Variants in CARD10 observed in about 807,000 individuals in gnomAD.
CARD10 encodes caspase recruitment domain family member 10.
In CARD10, 49 loss-of-function variants were observed where a neutral mutation model predicts 114.6. The observed-to-expected ratio is 0.43, with a 90% confidence interval of 0.34 to 0.54. The LOEUF (loss-of-function observed/expected upper bound fraction) is 0.54, where lower values mean the gene tolerates loss of function less well. Ranked by LOEUF, CARD10 falls within the 20% of genes least tolerant of loss-of-function variation. The pLI is 0.03. For synonymous variants in CARD10, 602 were observed against 593.2 expected (o/e 1.01, Z -0.21); for missense variants, 1,206 against 1,397.2 (o/e 0.86, Z 2.18).
Position 37,504,287 on chromosome 22 carries a change from G to A in CARD10, c.1533C>T (p.Asp511=). Reference sequence around the variant, plus strand: ...AGAGCCGATTGATCTCCTTTTCACTGTCTGTGGCTTCCTCCTGCAATGCCA... The same window carrying A: ...AGAGCCGATTGATCTCCTTTTCACTATCTGTGGCTTCCTCCTGCAATGCCA... The part of the protein sequence containing the change: ...PEPHNSEEAT[D]SEKEINRLSI... The change falls in exon 9 of 20, where the codon GAC becomes GAT. Residue 511 remains aspartate, a synonymous_variant. Transcript: ENST00000251973. The A allele has an allele frequency of 6.5e-7, 1 of 1,549,212 alleles. No individual in the cohort carries two copies. Among genetic ancestry groups the A allele is most frequent in the Non-Finnish European group, 8.7e-7 (1 of 1,143,802 alleles).
At position 37,495,866 on chromosome 22, in the gene CARD10, G is replaced by C; in HGVS notation, c.2197C>G (p.Arg733Gly). 1.2e-6 allele frequency: 2 copies of C among 1,614,146 alleles called. No individual in the cohort carries two copies. Among genetic ancestry groups the C allele is most frequent in the Non-Finnish European group, 1.7e-6 (2 of 1,180,054 alleles). Reference sequence around the variant, plus strand: ...CGCTTGTATGCCGAGTCCACCAGTCGAAGGATCTCTTGGGCTTTCACGCAA... The same window carrying C: ...CGCTTGTATGCCGAGTCCACCAGTCCAAGGATCTCTTGGGCTTTCACGCAA... ...ALCVKAQEIL[R>G]LVDSAYKRRQ... is the part of the protein sequence containing the mutation. The change falls in exon 14 of 20, where the codon CGA becomes GGA. Residue 733 changes from arginine (R) to glycine (G), a missense_variant. Transcript: ENST00000251973.
rs1471140170 is a variant in CARD10 at position 37,501,166 on chromosome 22, C to T, written c.1787+1436G>A. 6.6e-6 allele frequency among the ~76,000 whole-genome samples: 1 copy of T among 152,114 alleles called. No homozygotes were observed. Among genetic ancestry groups the T allele is most frequent in the Non-Finnish European group, 1.5e-5 (1 of 68,000 alleles). On this transcript the variant is annotated intron_variant, in intron 11 of 19. Transcript: ENST00000251973. The surrounding 1 kb of genome is among the most constrained non-coding windows in gnomAD (Gnocchi z 5.4). ...CTCTCTTTCTCTCTCTCTCTCTGTC[C>T]ACCACCTCTGCACCTTCCCCAGCCT...
Position 37,490,754 on chromosome 22 carries a change from G to C in CARD10, c.*405C>G, listed in dbSNP as rs911674585. 5.4e-6 allele frequency: 1 copy of C among 186,518 alleles called. No homozygotes were observed. Among genetic ancestry groups the C allele is most frequent in the Non-Finnish European group, 1.1e-5 (1 of 90,532 alleles). 11.6% of individuals were successfully genotyped at this position (186,518 alleles called of 1,614,324 possible). On this transcript the variant is annotated 3_prime_UTR_variant, in exon 20 of 20. Transcript: ENST00000251973. ...CTCAGGTCTCCTAGGAGCAGAACAG[G>C]CCCAGGTCCTCAGGAGACCTCGTGC...
intron 19 of CARD10, 42 bp from the exon 20 acceptor site, chr22:37,491,435 A>AGAGAGAGG (rs1922771423): frequency 7.3e-7 from 1 of 1,363,830 alleles, no homozygotes. Context: ...TGGGGGACCA[A>AGAGAGAGG]GACAGACAGA....
At chr22:37,505,250 A>C (rs1022601096) in intron 7 of CARD10, among the ~76,000 whole-genome samples, 1 of 152,122 alleles carries the variant, frequency 6.6e-6, no homozygotes, top group Non-Finnish European at 1.5e-5. Flanking sequence ...TGTCTTTACC[A>C]AACAGCAAAA....
chr22:37,511,882 G>A (rs1057237158), intron 3 of CARD10: 2 of 152,178 alleles, frequency 1.3e-5, no homozygotes, highest in African/African-American at 4.8e-5. Flanking sequence ...TTTCAATTTT[G>A]CTACTTCTAG....
chr22:37,492,498 C>A lies in CARD10; in HGVS notation c.2688G>T (p.Lys896Asn), dbSNP rs770249362. 6.2e-7 allele frequency: 1 copy of A among 1,604,858 alleles called. No homozygotes were observed. The highest frequency in any genetic ancestry group is 1.1e-5 in the South Asian group (1 of 90,182). Reference sequence around the variant, plus strand: ...CTAGCCCAGGGGTGGCAGGCTGAGCCTTGGGGGCTCCAGGCGCTGAGGATG... The same window carrying A: ...CTAGCCCAGGGGTGGCAGGCTGAGCATTGGGGGCTCCAGGCGCTGAGGATG... ...LCPSSAPGAP[K>N]AQPATPGLGS... The change falls in exon 18 of 20, where the codon AAG becomes AAT. Residue 896 changes from lysine (K) to asparagine (N), a missense_variant. Lys to Asn is a moderately conservative substitution (Grantham distance 94). Transcript: ENST00000251973. This position sits in a 1 kb window ranked among gnomAD's most constrained non-coding sequence, Gnocchi z 5.7.
chr22:37,505,559 C>A (rs1324569952), intron 7 of CARD10, among the ~76,000 whole-genome samples: 1 of 151,688 alleles, frequency 6.6e-6, no homozygotes, highest in Non-Finnish European at 1.5e-5. Context: ...ACCTGTAGTC[C>A]CAGCTACTAG....
intron 10 of CARD10, 112 bp downstream of exon 10, chr22:37,503,073 A>G: frequency 8.3e-7 from 1 of 1,204,124 alleles, no homozygotes; most frequent in Non-Finnish European, 1.2e-6. Context: ...GCGGGGCTTC[A>G]GGGAAGGGGA....
Position 37,518,020 on chromosome 22 carries a change from GA to G in CARD10, c.323del (p.Phe108SerfsTer15). The G allele has an allele frequency of 6.2e-7, 1 of 1,614,088 alleles. No individual in the cohort carries two copies. Among genetic ancestry groups the G allele is most frequent in the South Asian group, 1.1e-5 (1 of 91,078 alleles). ...EALEFYYPEH[F>X]TLLTGQEPAQ... ...CGGGTTCCTGGCCCGTGAGCAGCGT[GA>G]AGTGTTCGGGGTAGTAGAACTCCAG... On this transcript the variant is annotated frameshift_variant, in exon 2 of 20. Coordinates refer to ENST00000251973, the MANE Select transcript of CARD10 (RefSeq NM_014550.4). LOFTEE classifies it high-confidence loss of function.
chr22:37,511,126 C>T (rs1923625160), intron 3 of CARD10, among the ~76,000 whole-genome samples: 1 of 146,404 alleles, frequency 6.8e-6, no homozygotes, highest in Non-Finnish European at 1.5e-5. Flanking sequence ...AGGCCTAACA[C>T]TTTAGAAGGC....
At position 37,496,410 on chromosome 22, in the gene CARD10, C is replaced by T. The variant is rs1463152158; in HGVS notation, c.2059+39G>A. 1 of 1,496,222 alleles carries T rather than the reference C, an allele frequency of 6.7e-7. No individual in the cohort carries two copies. Among genetic ancestry groups the T allele is most frequent in the Non-Finnish European group, 9.3e-7 (1 of 1,075,658 alleles). 92.7% of individuals were successfully genotyped at this position (1,496,222 alleles called of 1,614,324 possible). A position where few individuals can be genotyped will look rare whatever the true frequency, so the allele number is the denominator to read the frequency against. ...CCATGCACCACGGGTTAGAGGACCCCTCTGGGGCCAACAGCTCCGACTCCC... is the reference window on the plus strand; with the variant it reads ...CCATGCACCACGGGTTAGAGGACCCTTCTGGGGCCAACAGCTCCGACTCCC... On this transcript the variant is annotated intron_variant, in intron 13 of 19. Transcript: ENST00000251973. This position sits in a 1 kb window ranked among gnomAD's most constrained non-coding sequence, Gnocchi z 4.1.
In CARD10 at chr22:37,519,259, G is replaced by C; in HGVS notation, c.-59C>G. 1 of 1,411,030 alleles carries C rather than the reference G, an allele frequency of 7.1e-7. No individual in the cohort carries two copies. Among genetic ancestry groups the C allele is most frequent in the Non-Finnish European group, 9.2e-7 (1 of 1,085,702 alleles). 87.4% of individuals were successfully genotyped at this position (1,411,030 alleles called of 1,614,324 possible). On this transcript the variant is annotated 5_prime_UTR_variant, in exon 1 of 20. Transcript: ENST00000251973. This position sits in a 1 kb window ranked among gnomAD's most constrained non-coding sequence, Gnocchi z 4.1. ...CACGGGGGTCGACCAGGGCTCCCTA[G>C]GGCTAGATGTGCGGCCAAGCACCCC...
intron 11 of CARD10, among the ~76,000 whole-genome samples, chr22:37,497,507 C>T (rs1209309797): frequency 6.6e-6 from 1 of 152,214 alleles, no homozygotes; most frequent in Non-Finnish European, 1.5e-5. Context: ...AACTTCTATA[C>T]TGTTCCGCTC....
rs1476946377 is a variant in CARD10, at chr22:37,491,816, T to C, written c.2803A>G (p.Asn935Asp). 1.9e-6 allele frequency: 3 copies of C among 1,609,160 alleles called. No homozygotes were observed. Among genetic ancestry groups the C allele is most frequent in the African/African-American group, 1.3e-5 (1 of 74,138 alleles). ...TGGATGACGATGGGGTAGATCTCGTTCTGCACCAGCTCCCGCACACCCCGA... is the reference window on the plus strand; with the variant it reads ...TGGATGACGATGGGGTAGATCTCGTCCTGCACCAGCTCCCGCACACCCCGA... ...GARGVRELVQ[N>D]EIYPIVIHVE... The change falls in exon 19 of 20, where the codon AAC becomes GAC. Residue 935 changes from asparagine to aspartate, a missense_variant. Asn to Asp is a conservative substitution (Grantham distance 23). Coordinates refer to ENST00000251973, the MANE Select transcript of CARD10 (RefSeq NM_014550.4).
At chr22:37,509,763 G>C (rs1343442112) in intron 4 of CARD10, among the ~76,000 whole-genome samples, 24 of 48,146 alleles carry the variant, frequency 5.0e-4, no homozygotes, top group East Asian at 1.3e-3. Context: ...GACCTCCCCC[G>C]ACCCCCATGC....
At chr22:37,517,250 G>C (rs1923871625) in intron 2 of CARD10, among the ~76,000 whole-genome samples, 1 of 152,232 alleles carries the variant, frequency 6.6e-6, no homozygotes, top group South Asian at 2.1e-4. Context: ...GTATGTAACA[G>C]AGGTGAAAGA....
In CARD10 at chr22:37,508,668, C is replaced by G; in HGVS notation, c.924G>C (p.Pro308=). The G allele has an allele frequency of 1.3e-6, 2 of 1,565,308 alleles. No homozygotes were observed. The highest frequency in any genetic ancestry group is 8.6e-7 in the Non-Finnish European group (1 of 1,159,830). Residue 308 remains proline, a synonymous_variant, in exon 5 of 20, where the codon CCG becomes CCC. Transcript: ENST00000251973. ...QEGLQQEASR[P]GAPGSERILL... ...GGATGCGCTCGGAGCCCGGGGCCCC[C>G]GGCCGGCTCGCCTCCTGGGGATCAC... is the stretch of plus-strand genomic sequence containing the variant.
At chr22:37,505,787 G>A (rs1923384434) in intron 7 of CARD10, among the ~76,000 whole-genome samples, 1 of 152,204 alleles carries the variant, frequency 6.6e-6, no homozygotes, top group Non-Finnish European at 1.5e-5. Flanking sequence ...CCTGTGCGAT[G>A]AGAGGATTAG....
Sources: gnomAD v4.1 joint callset for allele counts (sites outside exome capture counted in the v4.1 genomes callset) on GRCh38, gnomAD v4.1.1 for gene constraint, Gnocchi (gnomAD v3.1) non-coding constraint, MANE v1.5 for transcripts, NCBI Gene and HGNC (gene_info 2026-07-23, HGNC 2026-07-21) for gene names.